Variants in PRKACA observed in about 807,000 individuals in gnomAD.
PRKACA encodes cAMP-dependent protein kinase catalytic subunit alpha.
A neutral mutation model predicts 45.8 loss-of-function variants in PRKACA; 9 were observed. The observed-to-expected ratio is 0.20, with a 90% CI of 0.12 to 0.34. PRKACA has a LOEUF of 0.34. Among genes scored for constraint, PRKACA ranks in the 10% least tolerant of loss-of-function variants. The pLI, the probability that PRKACA is intolerant of heterozygous loss-of-function variation, is 1.00. For synonymous variants in PRKACA, 160 were observed against 178.6 expected, an observed-to-expected ratio of 0.90 and a Z score of 0.83; for missense variants, 238 against 458.6, an observed-to-expected ratio of 0.52 and a Z score of 4.39.
chr19:14,117,461 C>A, intron 1 of PRKACA, 41 bp downstream of exon 1: 1 of 1,258,250 alleles, frequency 7.9e-7, no homozygotes, highest in Non-Finnish European at 1.0e-6. Context: ...CCAGGGCTGG[C>A]AGCGCAGGGC....
intron 8 of PRKACA, among the ~76,000 whole-genome samples, chr19:14,095,187 T>G (rs1295044348): frequency 6.6e-6 from 1 of 151,926 alleles, no homozygotes; most frequent in Non-Finnish European, 1.5e-5. Flanking sequence ...TTTTTTTTTT[T>G]TGAGATGGAG....
At chr19:14,115,950 G>A (rs2144499128) in intron 1 of PRKACA, among the ~76,000 whole-genome samples, 1 of 152,154 alleles carries the variant, frequency 6.6e-6, no homozygotes, top group Non-Finnish European at 1.5e-5. Flanking sequence ...CTGTCATCAG[G>A]CACTCAGCTA....
chr19:14,101,853 C>G (rs543499174), intron 4 of PRKACA, among the ~76,000 whole-genome samples: 1 of 147,710 alleles, frequency 6.8e-6, no homozygotes, highest in Non-Finnish European at 1.5e-5. Flanking sequence ...AACAGCCAAA[C>G]TCTGTCTCAA....
chr19:14,109,971 T>A lies in PRKACA; in HGVS notation c.47-2562A>T, dbSNP rs1453147448. On this transcript the variant is annotated intron_variant, in intron 1 of 9. Coordinates refer to ENST00000308677, the MANE Select transcript of PRKACA (RefSeq NM_002730.4). ...AAAAAAAAAAAAAAAAAAAAATATA[T>A]ATATATATATATATATATATATATA... 3.8e-3 allele frequency among the ~76,000 whole-genome samples: 198 copies of A among 52,788 alleles called. 1 individual carries two copies. Among genetic ancestry groups the A allele is most frequent in the African/African-American group, 7.0e-3 (82 of 11,770 alleles). 34.6% of individuals were successfully genotyped at this position (52,788 alleles called of 152,430 possible). A position where few individuals can be genotyped will look rare whatever the true frequency, so the allele number is the denominator to read the frequency against.
In PRKACA at chr19:14,107,697, G is replaced by A. The variant is rs41296256; in HGVS notation, c.47-288C>T. The A allele has an allele frequency of 1.6e-3, 1,886 of 1,213,592 alleles. 25 individuals carry two copies. The African/African-American group carries it at 0.026, about 17-fold the overall frequency. The allele number at this position is 1,213,592 out of a possible 1,614,324, so 75.2% of individuals were successfully genotyped here. A position where few individuals can be genotyped will look rare whatever the true frequency, so the allele number is the denominator to read the frequency against. ...CAGGCAGACCAGCCCACCCCCACTC[G>A]CCCCAGTTCTGACCGACATTCCATG... is the stretch of plus-strand genomic sequence containing the variant. On this transcript the variant is annotated intron_variant, in intron 1 of 9. Transcript: ENST00000308677.
chr19:14,106,675 C>G lies in PRKACA; in HGVS notation c.237+85G>C, dbSNP rs902609278. On this transcript the variant is annotated intron_variant, in intron 3 of 9. Transcript: ENST00000308677. Reference sequence around the variant, plus strand: ...AATCAAAAAAAAGCAAGTGAGTGAACGGGTGGATAGGGCACTCTAAGGAGT... The same window carrying G: ...AATCAAAAAAAAGCAAGTGAGTGAAGGGGTGGATAGGGCACTCTAAGGAGT... The G allele has an allele frequency of 7.7e-6, 12 of 1,552,736 alleles. No individual in the cohort carries two copies. The East Asian group carries it at 2.5e-4, about 32-fold the overall frequency.
intron 1 of PRKACA, chr19:14,115,238 A>C: frequency 2.3e-6 from 1 of 439,912 alleles, no homozygotes; most frequent in Non-Finnish European, 3.0e-6. Context: ...ATCAGAGAAA[A>C]TATAACTGGC....
intron 5 of PRKACA, among the ~76,000 whole-genome samples, chr19:14,100,143 A>G (rs1977401182): frequency 6.7e-6 from 1 of 149,224 alleles, no homozygotes; most frequent in African/African-American, 2.6e-5. Flanking sequence ...GCGCCCAGCC[A>G]ATTTTTTTTT....
Position 14,092,237 on chromosome 19 carries a change from CTT to C in PRKACA, c.*873_*874del, listed in dbSNP as rs1977098462. The C allele has an allele frequency of 1.2e-5, 2 of 171,560 alleles. No individual in the cohort carries two copies. The highest frequency in any genetic ancestry group is 4.7e-5 in the African/African-American group (2 of 42,300). 10.6% of individuals were successfully genotyped at this position (171,560 alleles called of 1,614,324 possible). On this transcript the variant is annotated 3_prime_UTR_variant, in exon 10 of 10. Coordinates refer to ENST00000308677, the MANE Select transcript of PRKACA (RefSeq NM_002730.4). Reference sequence around the variant, plus strand: ...CTTGGGCTTGGGGCTCCCCCTCTGTCTTTTTGGGGGATGACTCCTCTTTGGCA... The same window carrying C: ...CTTGGGCTTGGGGCTCCCCCTCTGTCTTTGGGGGATGACTCCTCTTTGGCA...
intron 1 of PRKACA, chr19:14,108,300 A>G (rs951492430): frequency 2.9e-5 from 7 of 243,094 alleles, no homozygotes; most frequent in African/African-American, 7.0e-5. Context: ...GTTTTGAGGA[A>G]TGAATGAGTT....
intron 1 of PRKACA, chr19:14,114,069 C>T: frequency 6.4e-7 from 1 of 1,553,122 alleles, no homozygotes; most frequent in African/African-American, 1.4e-5. Flanking sequence ...CCGCTGCAGC[C>T]CCTCCCTGAC....
rs1044484490 is a variant in PRKACA at position 14,092,285 on chromosome 19, G to C, written c.*827C>G. 1 of 220,346 alleles carries C rather than the reference G, an allele frequency of 4.5e-6. No individual in the cohort carries two copies. Among genetic ancestry groups the C allele is most frequent in the African/African-American group, 2.3e-5 (1 of 44,130 alleles). The allele number at this position is 220,346 out of a possible 1,614,324, so 13.6% of individuals were successfully genotyped here. A position where few individuals can be genotyped will look rare whatever the true frequency, so the allele number is the denominator to read the frequency against. ...TGGCAGGGAGAGGGGCAGCTGCTTT[G>C]TCTGGCTTTCAAAGCCCAAGGGTGA... On this transcript the variant is annotated 3_prime_UTR_variant, in exon 10 of 10. Coordinates refer to ENST00000308677, the MANE Select transcript of PRKACA (RefSeq NM_002730.4).
chr19:14,101,746 A>G (rs1466459052), intron 4 of PRKACA, among the ~76,000 whole-genome samples: 7 of 150,826 alleles, frequency 4.6e-5, no homozygotes, highest in Non-Finnish European at 8.8e-5. Context: ...CTGTAATCCC[A>G]GCTACTCGGG....
chr19:14,093,165 C>T lies in PRKACA; in HGVS notation c.1003G>A (p.Glu335Lys). 1.2e-6 allele frequency: 2 copies of T among 1,613,590 alleles called. No individual in the cohort carries two copies. The highest frequency in any genetic ancestry group is 1.7e-6 in the Non-Finnish European group (2 of 1,179,924). The change falls in exon 10 of 10, where the codon GAA (glutamate) becomes AAA (lysine). Residue 335 changes from glutamate to lysine, a missense_variant. Glu to Lys is a moderately conservative substitution (Grantham distance 56, BLOSUM62 1). Around this residue, in one of 3 missense-constraint regions of PRKACA, gnomAD observed 51 missense variants for 68.6 expected, o/e 0.74. Coordinates refer to ENST00000308677, the MANE Select transcript of PRKACA (RefSeq NM_002730.4). ...TTCTCATTGATGGAGACCCGGATTT[C>T]TTCTTCCTCATAGTCGTCAAAGTTA... ...TSNFDDYEEE[E>K]IRVSINEKCG... is the part of the protein sequence containing the mutation.
chr19:14,104,798 C>T (rs1458471704), intron 3 of PRKACA, among the ~76,000 whole-genome samples: 2 of 151,814 alleles, frequency 1.3e-5, no homozygotes, highest in South Asian at 2.1e-4. Flanking sequence ...GCTTGAAACC[C>T]GGAGGCAGAG....
intron 4 of PRKACA, among the ~76,000 whole-genome samples, chr19:14,102,419 AC>A (rs1977471852): frequency 6.6e-6 from 1 of 152,174 alleles, no homozygotes; most frequent in African/African-American, 2.4e-5. Flanking sequence ...TCCCCATTTT[AC>A]CATGAGAAAG....
chr19:14,109,965 A>AAAATAT (rs1568537449), intron 1 of PRKACA, among the ~76,000 whole-genome samples: 3 of 23,768 alleles, frequency 1.3e-4, no homozygotes, highest in Non-Finnish European at 1.7e-4. Context: ...AAAAAAAAAA[A>AAAATAT]ATATATATAT....
intron 1 of PRKACA, chr19:14,114,195 TG>T: frequency 6.2e-7 from 1 of 1,604,358 alleles, no homozygotes; most frequent in Non-Finnish European, 8.5e-7. Flanking sequence ...CTACGGTGGC[TG>T]GGAAGGCTCA....
At chr19:14,109,087 G>A (rs956338753) in intron 1 of PRKACA, among the ~76,000 whole-genome samples, 56 of 149,944 alleles carry the variant, frequency 3.7e-4, no homozygotes, top group Admixed American at 1.5e-3. Flanking sequence ...GGTGGCTGAC[G>A]TCTGTAATCC....
Sources: allele counts gnomAD v4.1 joint callset (sites outside exome capture counted in the v4.1 genomes callset), GRCh38; gene constraint gnomAD v4.1.1; regional missense constraint gnomAD v4.1.1; transcripts MANE v1.5; gene names NCBI Gene and HGNC (gene_info 2026-07-23, HGNC 2026-07-21).